SH3KBP1: variants seen among roughly 807,000 people sequenced by gnomAD.
SH3KBP1 encodes SH3 domain-containing kinase-binding protein 1.
In SH3KBP1, 8 loss-of-function variants were observed where a neutral mutation model predicts 50.1. The ratio of observed to expected loss-of-function variants is 0.16; its 90% CI spans 0.09 to 0.29. The LOEUF (loss-of-function observed/expected upper bound fraction) is 0.29, where lower values mean the gene tolerates loss of function less well. SH3KBP1 is among the 10% of genes least tolerant of loss of function. SH3KBP1 has a pLI of 1.00. For synonymous variants in SH3KBP1, 227 were observed against 218.6 expected (o/e 1.04, Z -0.34); for missense variants, 377 against 535.2 (o/e 0.70, Z 2.92).
chrX:19,688,100 C>T (rs952017581), intron 5 of SH3KBP1, among the ~76,000 whole-genome samples: 3 of 112,335 alleles, frequency 2.7e-5, no homozygotes, highest in Admixed American at 9.4e-5. Context: ...TTGGAGAATA[C>T]GACCTATGCA....
intron 6 of SH3KBP1, among the ~76,000 whole-genome samples, chrX:19,680,188 A>G (rs1168693426): frequency 9.1e-6 from 1 of 109,848 alleles, no homozygotes; most frequent in Non-Finnish European, 1.9e-5. Flanking sequence ...CAGCCTGGTC[A>G]ACGTGGTGAA....
intron 2 of SH3KBP1, among the ~76,000 whole-genome samples, chrX:19,816,930 T>C (rs1295817330): frequency 8.9e-6 from 1 of 112,411 alleles, no homozygotes; most frequent in African/African-American, 3.2e-5. Context: ...CATGATCCGT[T>C]TTGAGTTAAT....
At chrX:19,873,822 G>A (rs1344011691) in intron 1 of SH3KBP1, among the ~76,000 whole-genome samples, 1 of 108,215 alleles carries the variant, frequency 9.2e-6, no homozygotes, top group African/African-American at 3.4e-5. Context: ...GCTGAGGTGG[G>A]TGGATCACTT....
chrX:19,718,754 A>AC (rs1283155328), intron 3 of SH3KBP1, among the ~76,000 whole-genome samples: 1 of 111,652 alleles, frequency 9.0e-6, no homozygotes, highest in Non-Finnish European at 1.9e-5. Context: ...CCCAATGACA[A>AC]CTGGTTGTGG....
chrX:19,705,453 C>T (rs2063633366), intron 4 of SH3KBP1, among the ~76,000 whole-genome samples: 2 of 111,878 alleles, frequency 1.8e-5, no homozygotes, highest in South Asian at 7.3e-4. Context: ...CATTCTACCA[C>T]CGAAATAAAT....
At chrX:19,873,287 T>TATATATATATATATATATATATAC (rs2069115356) in intron 1 of SH3KBP1, among the ~76,000 whole-genome samples, 3 of 71,446 alleles carry the variant, frequency 4.2e-5, no homozygotes, top group African/African-American at 1.3e-4. Flanking sequence ...TATATATATA[T>TATATATATATATATATATATATAC]ATGTATATAT....
chrX:19,810,673 G>A (rs1338100496), intron 2 of SH3KBP1, among the ~76,000 whole-genome samples: 1 of 112,297 alleles, frequency 8.9e-6, no homozygotes, highest in African/African-American at 3.2e-5. Context: ...AGCTGGCAGC[G>A]CCCTAGACTT....
intron 5 of SH3KBP1, among the ~76,000 whole-genome samples, chrX:19,694,495 A>G (rs1054500739): frequency 9.1e-6 from 1 of 109,651 alleles, no homozygotes; most frequent in Admixed American, 9.7e-5. Flanking sequence ...AGTGCTTCCT[A>G]CCATAGACTC....
chrX:19,770,711 T>G (rs937932395), intron 2 of SH3KBP1, among the ~76,000 whole-genome samples: 2 of 111,007 alleles, frequency 1.8e-5, no homozygotes, highest in East Asian at 5.6e-4. Context: ...TGTTATTTTT[T>G]TTTTTTTTAC....
At chrX:19,734,919 G>A (rs2064499657) in intron 3 of SH3KBP1, among the ~76,000 whole-genome samples, 1 of 112,162 alleles carries the variant, frequency 8.9e-6, no homozygotes, top group African/African-American at 3.2e-5. Context: ...TCCACTGGTG[G>A]ACATTTGGGT....
At chrX:19,705,762 G>C (rs5955573) in intron 4 of SH3KBP1, among the ~76,000 whole-genome samples, 7,323 of 111,283 alleles carry the variant, frequency 0.066, 289 homozygotes, top group Middle Eastern at 0.17. Flanking sequence ...AATGATTCTT[G>C]CCAGGTAGTA....
chrX:19,767,395 C>T (rs888637447), intron 2 of SH3KBP1, among the ~76,000 whole-genome samples: 1 of 112,633 alleles, frequency 8.9e-6, no homozygotes, highest in Non-Finnish European at 1.9e-5. Context: ...TGCTTTTTGA[C>T]AGTAGCTGTG....
intron 4 of SH3KBP1, 128 bp from the exon 5 acceptor site, chrX:19,695,869 T>C: frequency 1.8e-6 from 1 of 556,930 alleles, no homozygotes; most frequent in Non-Finnish European, 2.7e-6. Flanking sequence ...GGCTTTAAAG[T>C]TAACAGGGAA....
At chrX:19,755,938 G>A (rs952366345) in intron 2 of SH3KBP1, among the ~76,000 whole-genome samples, 1 of 111,428 alleles carries the variant, frequency 9.0e-6, no homozygotes, top group African/African-American at 3.3e-5. Context: ...ACCCTCTCAC[G>A]CAGACCCCCT....
At chrX:19,883,492 T>C (rs990993056) in intron 1 of SH3KBP1, among the ~76,000 whole-genome samples, 2 of 111,640 alleles carry the variant, frequency 1.8e-5, no homozygotes, top group South Asian at 7.6e-4. Context: ...GCCACAGATA[T>C]ACCTAGAAAG....
At position 19,766,178 on chromosome X, in the gene SH3KBP1, G is replaced by GT. The variant is rs1350794079; in HGVS notation, c.163-19738dup. Among the ~76,000 whole-genome samples, 13 of 111,031 alleles carry GT rather than the reference G, an allele frequency of 1.2e-4. No individual in the cohort carries two copies. The Admixed American group carries it at 1.2e-3, about 11-fold the overall frequency. On this transcript the variant is annotated intron_variant, in intron 2 of 17. Transcript: ENST00000397821. ...TTCCACATCCTCACCAACACTTGTT[G>GT]TTTTTTCTTTTTTTATAGCAGCCAT...
At chrX:19,754,526 G>A (rs1277574448) in intron 2 of SH3KBP1, among the ~76,000 whole-genome samples, 1 of 111,728 alleles carries the variant, frequency 9.0e-6, no homozygotes, top group South Asian at 3.7e-4. Context: ...TGGGGCGTAG[G>A]GAGGAGTCTT....
intron 7 of SH3KBP1, among the ~76,000 whole-genome samples, chrX:19,640,041 G>A (rs1474199424): frequency 9.2e-6 from 1 of 109,168 alleles, no homozygotes; most frequent in Non-Finnish European, 1.9e-5. Flanking sequence ...CCTGCAAAGT[G>A]ATCAGGAAAC....
chrX:19,622,136 T>A (rs2067858018), intron 8 of SH3KBP1, among the ~76,000 whole-genome samples: 1 of 112,528 alleles, frequency 8.9e-6, no homozygotes, highest in African/African-American at 3.2e-5. Context: ...AAGATCTCCA[T>A]GAGTCATAAA....
Sources: gnomAD v4.1 joint callset for allele counts (sites outside exome capture counted in the v4.1 genomes callset) on GRCh38, gnomAD v4.1.1 for gene constraint, MANE v1.5 for transcripts, NCBI Gene and HGNC (gene_info 2026-07-23, HGNC 2026-07-21) for gene names.